POTEE: variants seen among roughly 807,000 people sequenced by gnomAD.
The protein encoded by POTEE is POTE ankyrin domain family member E, also known as ANKRD26-like family C member 1A.
Under a neutral mutation model 74.2 loss-of-function variants are expected in POTEE, and 21 were observed. The ratio of observed to expected loss-of-function variants is 0.28; its 90% confidence interval spans 0.20 to 0.41. POTEE has a LOEUF of 0.41. POTEE is among the 10% of genes least tolerant of loss of function. The probability of loss-of-function intolerance (pLI) is 1.00; values close to 1 mark genes in which losing one functional copy is unlikely to be tolerated. For missense variants in POTEE, 525 were observed against 1,158.6 expected (o/e 0.45, Z 7.94); for synonymous variants, 211 against 432.8 (o/e 0.49, Z 6.36).
Position 131,218,757 on chromosome 2 carries a change from G to T in POTEE, c.355G>T (p.Ala119Ser). 1 of 1,612,880 alleles carries T rather than the reference G, an allele frequency of 6.2e-7. No individual in the cohort carries two copies. The highest frequency in any genetic ancestry group is 1.7e-5 in the Admixed American group (1 of 59,976). The change falls in exon 4 of 18, where the codon GCT becomes TCT. Residue 119 changes from alanine (A) to serine (S), a missense_variant. By Grantham distance (99) the Ala-to-Ser change is moderately conservative. Transcript: ENST00000683005. ...CRGSGKSKVG[A>S]WGDYDDSAFM... ...GGGGAGCGGCAAGAGCAAGGTGGGCGCTTGGGGAGACTACGATGACAGCGC... is the reference window on the plus strand; with the variant it reads ...GGGGAGCGGCAAGAGCAAGGTGGGCTCTTGGGGAGACTACGATGACAGCGC...
In POTEE at chr2:131,251,274, A is replaced by G. The variant is rs1310646994; in HGVS notation, c.1551+426A>G. The stretch of plus-strand genomic sequence containing the variant: ...GCGAGACTCCATGTGAAAAAAAAAA[A>G]AAAAAATTTTAATAGATTCTTAAAA... On this transcript the variant is annotated intron_variant, in intron 14 of 17. Transcript: ENST00000683005. Among the ~76,000 whole-genome samples the G allele has an allele frequency of 1.2e-4, 4 of 34,416 alleles. 2 individuals carry two copies. Among genetic ancestry groups the G allele is most frequent in the Non-Finnish European group, 3.5e-4 (4 of 11,520 alleles). 22.6% of individuals were successfully genotyped at this position (34,416 alleles called of 152,430 possible). A position where few individuals can be genotyped will look rare whatever the true frequency, so the allele number is the denominator to read the frequency against.
chr2:131,257,020 T>C (rs1701596808), intron 16 of POTEE, among the ~76,000 whole-genome samples: 1 of 149,270 alleles, frequency 6.7e-6, no homozygotes, highest in African/African-American at 2.4e-5. Context: ...TTTAGAGTCT[T>C]TGATGTACAA....
At position 131,263,924 on chromosome 2, in the gene POTEE, G is replaced by A. The variant is rs1204846360; in HGVS notation, c.2469G>A (p.Met823Ile). Residue 823 changes from methionine to isoleucine, a missense_variant, in exon 18 of 18, where the codon ATG becomes ATA. By Grantham distance (10) the Met-to-Ile change is conservative (BLOSUM62 1). Coordinates refer to ENST00000683005, the MANE Select transcript of POTEE (RefSeq NM_001083538.3). ...ACCGCGAGAAGATGACCCAGATCATGTTTGAGACCTTCAACACCCCAGCCA... is the reference window on the plus strand; with the variant it reads ...ACCGCGAGAAGATGACCCAGATCATATTTGAGACCTTCAACACCCCAGCCA... ...KANREKMTQI[M>I]FETFNTPAMY... The A allele has an allele frequency of 6.2e-7, 1 of 1,614,180 alleles. No homozygotes were observed. Among genetic ancestry groups the A allele is most frequent in the Non-Finnish European group, 8.5e-7 (1 of 1,180,018 alleles).
At chr2:131,229,280 T>G (rs1270290376) in intron 8 of POTEE, among the ~76,000 whole-genome samples, 1 of 152,024 alleles carries the variant, frequency 6.6e-6, no homozygotes, top group Admixed American at 6.5e-5. Context: ...CAGAAAGAGG[T>G]CAGTGTTTGT....
chr2:131,225,567 C>CTTTTTT (rs376693812), intron 6 of POTEE, among the ~76,000 whole-genome samples: 2 of 120,194 alleles, frequency 1.7e-5, no homozygotes, highest in Non-Finnish European at 3.6e-5. Flanking sequence ...ATTAATCTGA[C>CTTTTTT]TTTTTTTTTT....
chr2:131,262,779 T>A, intron 17 of POTEE, among the ~76,000 whole-genome samples: 1 of 152,290 alleles, frequency 6.6e-6, no homozygotes, highest in East Asian at 1.9e-4. Flanking sequence ...GTGCTTAGAT[T>A]TGACAGTTAT....
intron 16 of POTEE, 41 bp downstream of exon 16, chr2:131,253,140 T>TTCTTCATTTCTTCGATA: frequency 7.6e-7 from 1 of 1,314,638 alleles, no homozygotes. Flanking sequence ...AACTTTGTGC[T>TTCTTCATTTCTTCGATA]GCCAAACTAA....
intron 16 of POTEE, among the ~76,000 whole-genome samples, chr2:131,260,324 T>G (rs1701673488): frequency 6.7e-6 from 1 of 148,260 alleles, no homozygotes; most frequent in Non-Finnish European, 1.5e-5. Context: ...TACATGAATG[T>G]CAGCATTTTA....
chr2:131,233,445 T>G (rs1701026178), intron 9 of POTEE, among the ~76,000 whole-genome samples: 1 of 152,150 alleles, frequency 6.6e-6, no homozygotes. Context: ...CTTTACCCTG[T>G]AAAGAAACCA....
chr2:131,263,739 A>C lies in POTEE; in HGVS notation c.2284A>C (p.Arg762=). 1 of 1,611,808 alleles carries C rather than the reference A, an allele frequency of 6.2e-7. No homozygotes were observed. The highest frequency in any genetic ancestry group is 2.2e-5 in the East Asian group (1 of 44,848). ...SYVGKEAQSK[R]GILTLKYPME... Reference sequence around the variant, plus strand: ...TGTGGGCAAGGAGGCCCAGAGCAAGAGAGGCATCCTGACCCTGAAGTACCC... The same window carrying C: ...TGTGGGCAAGGAGGCCCAGAGCAAGCGAGGCATCCTGACCCTGAAGTACCC... Residue 762 remains arginine (R), a synonymous_variant, in exon 18 of 18, where the codon AGA becomes CGA. Transcript: ENST00000683005.
At position 131,263,666 on chromosome 2, in the gene POTEE, C is replaced by G. The variant is rs1450004224; in HGVS notation, c.2211C>G (p.Arg737=). 2 of 1,593,684 alleles carry G rather than the reference C, an allele frequency of 1.3e-6. No homozygotes were observed. The highest frequency in any genetic ancestry group is 3.5e-5 in the Admixed American group (2 of 56,942). The change falls in exon 18 of 18, where the codon CGC becomes CGG. Residue 737 remains arginine (R), a synonymous_variant. Transcript: ENST00000683005. ...CTGTCTTCCCTTCCATCGTGGGGCG[C>G]CCCAGGCAGCAGGGCATGATGGGGG... ...PRAVFPSIVG[R]PRQQGMMGGM... is the part of the protein sequence containing the mutation.
chr2:131,230,326 T>C (rs1412350414), intron 8 of POTEE, among the ~76,000 whole-genome samples: 2 of 152,164 alleles, frequency 1.3e-5, no homozygotes, highest in Non-Finnish European at 2.9e-5. Flanking sequence ...AAAATATGCA[T>C]TGGGTTTTAT....
chr2:131,216,572 C>T (rs1443178487), intron 2 of POTEE, among the ~76,000 whole-genome samples: 49 of 151,748 alleles, frequency 3.2e-4, no homozygotes, highest in African/African-American at 1.0e-3. Context: ...AAATTCACTC[C>T]TATGTATACA....
rs571524836 is a variant in POTEE, at chr2:131,228,889, T to C, written c.1055+508T>C. Among the ~76,000 whole-genome samples the C allele has an allele frequency of 2.1e-5, 3 of 145,076 alleles. No individual in the cohort carries two copies. The South Asian group carries it at 6.3e-4, about 30-fold the overall frequency. ...ATCATTCTGTTGTTTCCGTTGATTT[T>C]GTTGCTGCTTTGTGGCCACTCAAAC... On this transcript the variant is annotated intron_variant, in intron 8 of 17. Coordinates refer to ENST00000683005, the MANE Select transcript of POTEE (RefSeq NM_001083538.3).
At chr2:131,233,518 G>A (rs1020210547) in intron 9 of POTEE, among the ~76,000 whole-genome samples, 10 of 151,028 alleles carry the variant, frequency 6.6e-5, no homozygotes, top group African/African-American at 2.4e-4. Context: ...CCTTGGAGTA[G>A]CATCAATGTA....
intron 4 of POTEE, among the ~76,000 whole-genome samples, chr2:131,221,950 T>C (rs1261090015): frequency 6.6e-6 from 1 of 152,260 alleles, no homozygotes; most frequent in Non-Finnish European, 1.5e-5. Context: ...GGCAGGCATA[T>C]TCTACTATCT....
chr2:131,217,808 C>T lies in POTEE; in HGVS notation c.-94+125C>T, dbSNP rs1425001848. 2.0e-4 allele frequency among the ~76,000 whole-genome samples: 30 copies of T among 150,298 alleles called. 1 individual carries two copies. The highest frequency in any genetic ancestry group is 1.8e-3 in the Admixed American group (28 of 15,168). ...CACGCGCACGCCCGGCAGCAGCTTG[C>T]TGGCTTGTAACGGCTTGCACGCGCA... On this transcript the variant is annotated intron_variant, in intron 3 of 17. Coordinates refer to ENST00000683005, the MANE Select transcript of POTEE (RefSeq NM_001083538.3).
chr2:131,211,520 C>CTGTGTGTCTGTGTGTGTGTG (rs1553474100), intron 2 of POTEE, among the ~76,000 whole-genome samples: 9 of 50,266 alleles, frequency 1.8e-4, no homozygotes, highest in Admixed American at 3.8e-4. Context: ...TAGGGGGTGA[C>CTGTGTGTCTGTGTGTGTGTG]TGTGTGTGTG....
chr2:131,211,655 C>T (rs1700362383), intron 2 of POTEE, among the ~76,000 whole-genome samples: 1 of 149,764 alleles, frequency 6.7e-6, no homozygotes, highest in Non-Finnish European at 1.5e-5. Context: ...TGGGTTCACC[C>T]CATCCTCCTG....
Sources: allele counts gnomAD v4.1 joint callset (sites outside exome capture counted in the v4.1 genomes callset), GRCh38; gene constraint gnomAD v4.1.1; transcripts MANE v1.5; gene names NCBI Gene and HGNC (gene_info 2026-07-23, HGNC 2026-07-21).